GPC6: variants seen among roughly 807,000 people sequenced by gnomAD.
GPC6 encodes glypican-6.
In GPC6, 14 loss-of-function variants were observed where a neutral mutation model predicts 55.2. That is an observed-to-expected ratio of 0.25 (90% confidence interval 0.17 to 0.40). The LOEUF (loss-of-function observed/expected upper bound fraction) is 0.40. Ranked by LOEUF, GPC6 falls within the 10% of genes least tolerant of loss-of-function variation. GPC6 has a pLI of 1.00. For missense variants in GPC6, 641 were observed against 708.5 expected (o/e 0.90, Z 1.08); for synonymous variants, 278 against 259.6 (o/e 1.07, Z -0.68).
At chr13:93,581,254 A>G (rs775393084) in intron 2 of GPC6, among the ~76,000 whole-genome samples, 29 of 151,470 alleles carry the variant, frequency 1.9e-4, no homozygotes, top group Non-Finnish European at 4.0e-4. Flanking sequence ...TGTATTGAGA[A>G]TAGCCCAATA....
intron 4 of GPC6, among the ~76,000 whole-genome samples, chr13:94,223,286 A>T (rs1566561906): frequency 6.6e-6 from 1 of 152,186 alleles, no homozygotes; most frequent in Non-Finnish European, 1.5e-5. Flanking sequence ...CATCAATTGG[A>T]TAAAAATTCT....
At chr13:94,127,055 T>G (rs1256893683) in intron 4 of GPC6, among the ~76,000 whole-genome samples, 1 of 152,130 alleles carries the variant, frequency 6.6e-6, no homozygotes, top group East Asian at 1.9e-4. Flanking sequence ...TGGTAACTTT[T>G]TTTCCTACTC....
intron 4 of GPC6, among the ~76,000 whole-genome samples, chr13:94,136,466 T>C (rs1446223217): frequency 6.6e-6 from 1 of 152,188 alleles, no homozygotes; most frequent in Non-Finnish European, 1.5e-5. Context: ...ATCCCAGCAC[T>C]TTGGGAGGCC....
At chr13:93,734,448 T>C (rs1366110004) in intron 2 of GPC6, among the ~76,000 whole-genome samples, 1 of 152,166 alleles carries the variant, frequency 6.6e-6, no homozygotes, top group Non-Finnish European at 1.5e-5. Flanking sequence ...GTGAAGAGCA[T>C]TGAACAATTA....
At chr13:93,953,331 A>G in intron 3 of GPC6, among the ~76,000 whole-genome samples, 1 of 151,900 alleles carries the variant, frequency 6.6e-6, no homozygotes, top group East Asian at 1.9e-4. Flanking sequence ...CATCTTTATC[A>G]TCCTGAATGG....
intron 4 of GPC6, among the ~76,000 whole-genome samples, chr13:94,156,134 T>G (rs768118057): frequency 6.6e-6 from 1 of 152,142 alleles, no homozygotes; most frequent in Non-Finnish European, 1.5e-5. Flanking sequence ...AAACGGGATA[T>G]GTCAAACTAT....
At chr13:94,120,056 A>G (rs1266980631) in intron 4 of GPC6, among the ~76,000 whole-genome samples, 1 of 152,146 alleles carries the variant, frequency 6.6e-6, no homozygotes, top group Non-Finnish European at 1.5e-5. Context: ...TTTTAAATAT[A>G]ATGTATATAA....
intron 4 of GPC6, among the ~76,000 whole-genome samples, chr13:94,227,375 C>T (rs981305712): frequency 6.6e-6 from 1 of 152,174 alleles, no homozygotes; most frequent in African/African-American, 2.4e-5. Flanking sequence ...ACCAGATACA[C>T]TATTGTCTCT....
At chr13:94,310,315 A>G (rs1181580730) in intron 6 of GPC6, among the ~76,000 whole-genome samples, 1 of 152,140 alleles carries the variant, frequency 6.6e-6, no homozygotes, top group Non-Finnish European at 1.5e-5. Context: ...TTAACTCAAC[A>G]AGTTGGTGAT....
chr13:93,947,420 T>C (rs892935292), intron 3 of GPC6, among the ~76,000 whole-genome samples: 4 of 152,204 alleles, frequency 2.6e-5, no homozygotes, highest in African/African-American at 9.6e-5. Flanking sequence ...ACTTCTGATA[T>C]AGTCCCATAA....
At chr13:93,631,622 G>T (rs1450663995) in intron 2 of GPC6, among the ~76,000 whole-genome samples, 1 of 152,146 alleles carries the variant, frequency 6.6e-6, no homozygotes, top group Non-Finnish European at 1.5e-5. Flanking sequence ...GGTCCCTACA[G>T]TTGCCTTTTG....
chr13:93,467,575 C>CTTTTTTT (rs11426472), intron 1 of GPC6, among the ~76,000 whole-genome samples: 8 of 74,022 alleles, frequency 1.1e-4, no homozygotes, highest in East Asian at 4.4e-4. Flanking sequence ...AGCTGTGATT[C>CTTTTTTT]TTTTTTTTTT....
chr13:94,228,199 G>A (rs979858989), intron 4 of GPC6, among the ~76,000 whole-genome samples: 1 of 152,058 alleles, frequency 6.6e-6, no homozygotes, highest in Non-Finnish European at 1.5e-5. Flanking sequence ...ACACACTTAT[G>A]CAGAGTAATC....
chr13:93,586,365 T>C (rs1242034195), intron 2 of GPC6, among the ~76,000 whole-genome samples: 3 of 152,194 alleles, frequency 2.0e-5, no homozygotes, highest in Non-Finnish European at 4.4e-5. Context: ...CTATCATTGA[T>C]GGGCATTTAG....
chr13:93,639,551 T>A (rs970587795), intron 2 of GPC6, among the ~76,000 whole-genome samples: 1 of 152,022 alleles, frequency 6.6e-6, no homozygotes, highest in Non-Finnish European at 1.5e-5. Context: ...TGAAAAAAAA[T>A]CCAGGTAGGA....
intron 4 of GPC6, among the ~76,000 whole-genome samples, chr13:94,157,824 G>A (rs1242408594): frequency 6.6e-6 from 1 of 152,166 alleles, no homozygotes; most frequent in Non-Finnish European, 1.5e-5. Context: ...ACATAAGTGA[G>A]CTTTGACTGG....
At chr13:93,809,024 T>C (rs1241770008) in intron 2 of GPC6, among the ~76,000 whole-genome samples, 1 of 152,084 alleles carries the variant, frequency 6.6e-6, no homozygotes, top group Non-Finnish European at 1.5e-5. Flanking sequence ...GGAGAAAGAA[T>C]AGGAGAGAGA....
At chr13:93,895,988 T>C (rs1197054567) in intron 3 of GPC6, among the ~76,000 whole-genome samples, 1 of 151,976 alleles carries the variant, frequency 6.6e-6, no homozygotes, top group East Asian at 1.9e-4. Context: ...CTTAATAGGG[T>C]GACTATAATT....
chr13:93,336,351 T>C (rs1002752767), intron 1 of GPC6, among the ~76,000 whole-genome samples: 2 of 152,372 alleles, frequency 1.3e-5, no homozygotes, highest in East Asian at 1.9e-4. Flanking sequence ...AGGGTTCCCC[T>C]TATATAATAA....
Sources: allele counts gnomAD v4.1 joint callset (sites outside exome capture counted in the v4.1 genomes callset), GRCh38; gene constraint gnomAD v4.1.1; transcripts MANE v1.5; gene names NCBI Gene and HGNC (gene_info 2026-07-23, HGNC 2026-07-21).